The following ATP8A2 variants were observed in gnomAD, a reference collection of about 807,000 sequenced individuals.
ATP8A2 encodes phospholipid-transporting ATPase IB.
ATP8A2 carries 100 observed loss-of-function variants against 165.6 expected under a neutral mutation model. That is an observed-to-expected ratio of 0.60 (90% confidence interval 0.51 to 0.71). ATP8A2 has a LOEUF of 0.71. Among genes scored for constraint, ATP8A2 ranks in the 30% least tolerant of loss-of-function variants. The pLI is 0.00. For missense variants in ATP8A2, 1,227 were observed against 1,479.5 expected, an observed-to-expected ratio of 0.83 and a Z score of 2.80; for synonymous variants, 543 against 548.8, an observed-to-expected ratio of 0.99 and a Z score of 0.15.
intron 24 of ATP8A2, among the ~76,000 whole-genome samples, chr13:25,686,561 T>C (rs28552869): frequency 1.3e-5 from 2 of 152,222 alleles, no homozygotes; most frequent in South Asian, 2.1e-4. Context: ...CAGAACTCCC[T>C]GACACTGTAA....
At chr13:25,664,122 T>A (rs1317997573) in intron 24 of ATP8A2, among the ~76,000 whole-genome samples, 1 of 152,108 alleles carries the variant, frequency 6.6e-6, no homozygotes, top group Non-Finnish European at 1.5e-5. Flanking sequence ...GGTGGGAGGA[T>A]GGCCTGAGTC....
intron 30 of ATP8A2, among the ~76,000 whole-genome samples, chr13:25,852,967 T>A (rs187183704): frequency 6.6e-6 from 1 of 152,326 alleles, no homozygotes; most frequent in East Asian, 1.9e-4. Flanking sequence ...TGACTTCTCT[T>A]TGCTGCACCA....
intron 24 of ATP8A2, among the ~76,000 whole-genome samples, chr13:25,616,968 T>C (rs1373927053): frequency 5.9e-5 from 9 of 152,148 alleles, no homozygotes; most frequent in Non-Finnish European, 1.3e-4. Flanking sequence ...ATTTAAGTAA[T>C]AACATAAAGA....
chr13:25,603,831 A>G lies in ATP8A2; in HGVS notation c.2211+14132A>G, dbSNP rs1459130662. On this transcript the variant is annotated intron_variant, in intron 24 of 36. Transcript: ENST00000381655. The stretch of plus-strand genomic sequence containing the variant: ...GAGCAGGTAAGGTGGGGGAATAAGG[A>G]ATCTTTTTTGGGCATTTTAAGGTTG... Among the ~76,000 whole-genome samples the G allele has an allele frequency of 7.9e-5, 12 of 152,248 alleles. No homozygotes were observed. The East Asian group carries it at 2.3e-3, about 29-fold the overall frequency.
At chr13:25,967,767 A>T (rs1955813637) in intron 34 of ATP8A2, among the ~76,000 whole-genome samples, 1 of 152,026 alleles carries the variant, frequency 6.6e-6, no homozygotes, top group Admixed American at 6.6e-5. Flanking sequence ...CTGGTAGCTC[A>T]CTTTTAGCTT....
chr13:25,994,252 A>G (rs764208591), intron 35 of ATP8A2, among the ~76,000 whole-genome samples: 2 of 152,072 alleles, frequency 1.3e-5, no homozygotes, highest in Non-Finnish European at 2.9e-5. Flanking sequence ...AAATATATAT[A>G]TATACATATT....
chr13:25,774,742 G>A (rs991578279), intron 26 of ATP8A2, 107 bp from the exon 27 acceptor site: 2 of 620,790 alleles, frequency 3.2e-6, no homozygotes, highest in Non-Finnish European at 5.6e-6. Flanking sequence ...GCGGAATCTG[G>A]TTTCCTCTAC....
At chr13:25,568,037 AC>A (rs2039366568) in intron 16 of ATP8A2, among the ~76,000 whole-genome samples, 1 of 152,138 alleles carries the variant, frequency 6.6e-6, no homozygotes, top group African/African-American at 2.4e-5. Flanking sequence ...GTCCAAGAAA[AC>A]CCTTACTTTC....
At position 25,706,573 on chromosome 13, in the gene ATP8A2, C is replaced by T. The variant is rs141711853; in HGVS notation, c.2384+7228C>T. Among the ~76,000 whole-genome samples, 407 of 152,278 alleles carry T rather than the reference C, an allele frequency of 2.7e-3. 1 individual carries two copies. Among genetic ancestry groups the T allele is most frequent in the Non-Finnish European group, 4.3e-3 (294 of 68,022 alleles). On this transcript the variant is annotated intron_variant, in intron 25 of 36. Coordinates refer to ENST00000381655, the MANE Select transcript of ATP8A2 (RefSeq NM_016529.6). Reference sequence around the variant, plus strand: ...CACAGAATTATGTCAAAACAGAGTTCAGATGCAGTAATTAGAATTGTACCA... The same window carrying T: ...CACAGAATTATGTCAAAACAGAGTTTAGATGCAGTAATTAGAATTGTACCA...
intron 27 of ATP8A2, among the ~76,000 whole-genome samples, chr13:25,822,705 A>G (rs961778019): frequency 1.3e-5 from 2 of 152,186 alleles, no homozygotes; most frequent in East Asian, 1.9e-4. Context: ...TTCATTTAAT[A>G]TCAGTTTTCT....
At chr13:25,412,188 C>A (rs1354028672) in intron 1 of ATP8A2, among the ~76,000 whole-genome samples, 1 of 152,098 alleles carries the variant, frequency 6.6e-6, no homozygotes, top group Non-Finnish European at 1.5e-5. Flanking sequence ...CTGCTTGGAT[C>A]ATGTAAATGA....
intron 1 of ATP8A2, among the ~76,000 whole-genome samples, chr13:25,425,111 C>T (rs1381368351): frequency 1.3e-5 from 2 of 152,130 alleles, no homozygotes; most frequent in Non-Finnish European, 2.9e-5. Context: ...CATGGCACAT[C>T]ACTTAAAAAT....
chr13:25,395,907 A>T (rs936750358), intron 1 of ATP8A2, among the ~76,000 whole-genome samples: 2 of 151,786 alleles, frequency 1.3e-5, no homozygotes, highest in African/African-American at 4.8e-5. Flanking sequence ...GCAGTGGCGC[A>T]ATCTCAGCTC....
At chr13:25,877,803 C>T (rs1472367615) in intron 33 of ATP8A2, among the ~76,000 whole-genome samples, 1 of 152,176 alleles carries the variant, frequency 6.6e-6, no homozygotes, top group East Asian at 1.9e-4. Flanking sequence ...GTATAAGCCC[C>T]CAAGCCCTTC....
rs1460530954 is a variant in ATP8A2 at position 25,689,917 on chromosome 13, A to G, written c.2212-9256A>G. 2.0e-5 allele frequency among the ~76,000 whole-genome samples: 3 copies of G among 152,340 alleles called. No homozygotes were observed. In the East Asian group the frequency reaches 5.8e-4, roughly 29 times the overall value. ...GGAGAATTCCATGTTTTAAAAAATT[A>G]CAAAAAGAATCCACAGTCAAGTAGT... On this transcript the variant is annotated intron_variant, in intron 24 of 36. Transcript: ENST00000381655.
At chr13:25,666,855 T>G (rs1334746924) in intron 24 of ATP8A2, among the ~76,000 whole-genome samples, 1 of 152,200 alleles carries the variant, frequency 6.6e-6, no homozygotes, top group Non-Finnish European at 1.5e-5. Context: ...ACTTCTGCTA[T>G]CTCTTTAGAA....
intron 16 of ATP8A2, among the ~76,000 whole-genome samples, chr13:25,566,101 A>C (rs1041523584): frequency 6.6e-6 from 1 of 152,102 alleles, no homozygotes; most frequent in Non-Finnish European, 1.5e-5. Context: ...ACTTTTCTCT[A>C]TTGAAGTTAG....
intron 2 of ATP8A2, among the ~76,000 whole-genome samples, chr13:25,517,936 T>C (rs1055583190): frequency 6.6e-6 from 1 of 152,204 alleles, no homozygotes; most frequent in Non-Finnish European, 1.5e-5. Context: ...GGATTTAAGA[T>C]TATTTCCAGA....
intron 2 of ATP8A2, among the ~76,000 whole-genome samples, chr13:25,513,008 G>T (rs1484565307): frequency 1.4e-5 from 2 of 146,482 alleles, no homozygotes; most frequent in East Asian, 4.1e-4. Flanking sequence ...CGGGCGGGGG[G>T]CTGACCCCCC....
Sources: gnomAD v4.1 joint callset for allele counts (sites outside exome capture counted in the v4.1 genomes callset) on GRCh38, gnomAD v4.1.1 for gene constraint, MANE v1.5 for transcripts, NCBI Gene and HGNC (gene_info 2026-07-23, HGNC 2026-07-21) for gene names.